The following TMEM245 variants were observed in gnomAD, a reference collection of about 807,000 sequenced individuals.
TMEM245 encodes transmembrane protein 245, also known as protein CG-2.
A neutral mutation model predicts 101.2 loss-of-function variants in TMEM245; 69 were observed. The ratio of observed to expected loss-of-function variants is 0.68; its 90% CI spans 0.56 to 0.83. TMEM245 has a LOEUF of 0.83. TMEM245 is among the 40% of genes least tolerant of loss of function. TMEM245 has a pLI of 0.00. For synonymous variants in TMEM245, 537 were observed against 449.8 expected (o/e 1.19, Z -2.45); for missense variants, 1,075 against 1,092.8 (o/e 0.98, Z 0.23).
chr9:109,041,453 A>AAT (rs1828302779), intron 14 of TMEM245, among the ~76,000 whole-genome samples: 1 of 83,208 alleles, frequency 1.2e-5, no homozygotes, highest in South Asian at 4.6e-4. Flanking sequence ...CATCCTACAA[A>AAT]TTTTTTTTTT....
chr9:109,052,661 C>T (rs550623126), intron 12 of TMEM245, among the ~76,000 whole-genome samples: 7 of 152,196 alleles, frequency 4.6e-5, no homozygotes, highest in Admixed American at 3.9e-4. Context: ...ACAATGCCTA[C>T]AAAAATGTGC....
rs945993720 is a variant in TMEM245 at position 109,108,572 on chromosome 9, T to C, written c.580-2A>G. ...ATAGCCAACCACCAACGTCCAGATC[T>C]TAAATAAATGAAAGACACAGCTGTA... On this transcript the variant is annotated splice_acceptor_variant, in intron 1 of 17. Transcript: ENST00000374586. LOFTEE classifies it high-confidence loss of function. The C allele has an allele frequency of 6.3e-7, 1 of 1,585,632 alleles. No individual in the cohort carries two copies. The highest frequency in any genetic ancestry group is 1.4e-5 in the African/African-American group (1 of 73,308).
At chr9:109,077,922 C>A (rs1829558543) in intron 8 of TMEM245, among the ~76,000 whole-genome samples, 1 of 152,146 alleles carries the variant, frequency 6.6e-6, no homozygotes, top group African/African-American at 2.4e-5. Context: ...TAAGTATTGT[C>A]ATGACCAGGG....
chr9:109,035,819 T>C (rs2132321478), intron 16 of TMEM245, among the ~76,000 whole-genome samples: 1 of 151,716 alleles, frequency 6.6e-6, no homozygotes, highest in African/African-American at 2.4e-5. Flanking sequence ...CCCGTAATCC[T>C]AGTGCCTTGG....
At position 109,083,901 on chromosome 9, in the gene TMEM245, C is replaced by CAAAAAAAAAAAAAA. The variant is rs751739620; in HGVS notation, c.1344+2082_1344+2095dup. ...CAAAACCCCATCTCTACTAAAAATA[C>CAAAAAAAAAAAAAA]AAAAAAAAAAAAAAAAAAAAAAAAA... On this transcript the variant is annotated intron_variant, in intron 7 of 17. Coordinates refer to ENST00000374586, the MANE Select transcript of TMEM245 (RefSeq NM_032012.4). 5.0e-3 allele frequency among the ~76,000 whole-genome samples: 171 copies of CAAAAAAAAAAAAAA among 34,474 alleles called. 49 individuals carry two copies. The highest frequency in any genetic ancestry group is 8.3e-3 in the East Asian group (6 of 722). 22.6% of individuals were successfully genotyped at this position (34,474 alleles called of 152,430 possible).
chr9:109,050,776 G>A, intron 12 of TMEM245, 84 bp from the exon 13 acceptor site: 1 of 1,429,370 alleles, frequency 7.0e-7, no homozygotes, highest in Non-Finnish European at 9.5e-7. Flanking sequence ...TTAATACAGT[G>A]TTTTAGTACC....
intron 3 of TMEM245, among the ~76,000 whole-genome samples, chr9:109,104,249 T>C (rs975537591): frequency 1.3e-5 from 2 of 152,166 alleles, no homozygotes; most frequent in Non-Finnish European, 2.9e-5. Context: ...CCCATTTTAC[T>C]TGATGTGATT....
intron 17 of TMEM245, among the ~76,000 whole-genome samples, chr9:109,027,540 CTCTT>C (rs1827825596): frequency 6.6e-6 from 1 of 152,180 alleles, no homozygotes; most frequent in South Asian, 2.1e-4. Context: ...AGATTAGAAG[CTCTT>C]TCTTTGAGGA....
chr9:109,023,836 CAAAAAA>C (rs139227712), intron 17 of TMEM245, among the ~76,000 whole-genome samples: 1 of 82,796 alleles, frequency 1.2e-5, no homozygotes, highest in Non-Finnish European at 2.6e-5. Context: ...ACTCTGTTTC[CAAAAAA>C]AAAAAAAAAA....
intron 7 of TMEM245, among the ~76,000 whole-genome samples, chr9:109,082,093 C>T (rs1434574112): frequency 6.6e-6 from 1 of 152,152 alleles, no homozygotes; most frequent in Non-Finnish European, 1.5e-5. Context: ...GTGAATTAAA[C>T]ATCCAAAAGC....
chr9:109,050,336 A>C lies in TMEM245; in HGVS notation c.2070T>G (p.Ser690=). ...TAATATTAGAAGAAGGACCTGGCTG[A>C]GATAGTGGAGTCAGGCTTATCACCC... is the stretch of plus-strand genomic sequence containing the variant. The part of the protein sequence containing the change: ...VKWVISLTPL[S]QPGPSSNIIG... The change falls in exon 14 of 18, where the codon TCT becomes TCG. Residue 690 remains serine, a synonymous_variant. Coordinates refer to ENST00000374586, the MANE Select transcript of TMEM245 (RefSeq NM_032012.4). The C allele has an allele frequency of 6.2e-7, 1 of 1,614,138 alleles. No homozygotes were observed. Among genetic ancestry groups the C allele is most frequent in the Non-Finnish European group, 8.5e-7 (1 of 1,180,026 alleles).
At chr9:109,021,233 T>C (rs1827611761) in intron 17 of TMEM245, among the ~76,000 whole-genome samples, 2 of 152,184 alleles carry the variant, frequency 1.3e-5, no homozygotes, top group Admixed American at 1.3e-4. Context: ...TGGCTAAATT[T>C]ACATCTGTGC....
At chr9:109,052,471 T>C (rs763766739) in intron 12 of TMEM245, among the ~76,000 whole-genome samples, 1 of 152,262 alleles carries the variant, frequency 6.6e-6, no homozygotes, top group Non-Finnish European at 1.5e-5. Context: ...TTTTGTCATA[T>C]GTCCATCTGT....
intron 4 of TMEM245, 82 bp downstream of exon 4, chr9:109,093,393 T>C: frequency 8.8e-7 from 1 of 1,137,152 alleles, no homozygotes; most frequent in South Asian, 1.4e-5. Flanking sequence ...TAGCATTTTG[T>C]GATGCTGGTG....
intron 1 of TMEM245, among the ~76,000 whole-genome samples, chr9:109,108,930 A>G (rs1830499220): frequency 6.6e-6 from 1 of 152,216 alleles, no homozygotes; most frequent in Admixed American, 6.5e-5. Context: ...CTGTTGATCA[A>G]TGTTTAGAAA....
chr9:109,064,401 GT>G, intron 10 of TMEM245, 75 bp downstream of exon 10: 1 of 1,314,696 alleles, frequency 7.6e-7, no homozygotes, highest in Non-Finnish European at 1.1e-6. Flanking sequence ...TTCTACTTAT[GT>G]TTTATCAAAG....
At position 109,073,510 on chromosome 9, in the gene TMEM245, C is replaced by CT. The variant is rs1829397089; in HGVS notation, c.1450-73dup. ...CCAATTTAACATTTATTTTTCTACT[C>CT]TATTATTGGAACAATGCTTTGAGAG... On this transcript the variant is annotated intron_variant, in intron 8 of 17. Coordinates refer to ENST00000374586, the MANE Select transcript of TMEM245 (RefSeq NM_032012.4). 4 of 1,184,210 alleles carry CT rather than the reference C, an allele frequency of 3.4e-6. No homozygotes were observed. In the South Asian group the frequency reaches 3.9e-5, roughly 12 times the overall value. 73.4% of individuals were successfully genotyped at this position (1,184,210 alleles called of 1,614,324 possible). A position where few individuals can be genotyped will look rare whatever the true frequency, so the allele number is the denominator to read the frequency against.
At chr9:109,053,656 G>A (rs1159902463) in intron 12 of TMEM245, among the ~76,000 whole-genome samples, 1 of 152,174 alleles carries the variant, frequency 6.6e-6, no homozygotes, top group African/African-American at 2.4e-5. Flanking sequence ...ATCTCCAGTG[G>A]CTCTGCAGCC....
chr9:109,076,598 C>T (rs1829516196), intron 8 of TMEM245, among the ~76,000 whole-genome samples: 1 of 151,982 alleles, frequency 6.6e-6, no homozygotes, highest in Non-Finnish European at 1.5e-5. Flanking sequence ...TACACCCCTT[C>T]CCCGCCAAAA....
Sources: allele counts gnomAD v4.1 joint callset (sites outside exome capture counted in the v4.1 genomes callset), GRCh38; gene constraint gnomAD v4.1.1; transcripts MANE v1.5; gene names NCBI Gene and HGNC (gene_info 2026-07-23, HGNC 2026-07-21).